PPM1E: variants seen among roughly 807,000 people sequenced by gnomAD.
PPM1E encodes the protein protein phosphatase 1E.
Under a neutral mutation model 65.9 loss-of-function variants are expected in PPM1E, and 20 were observed. The ratio of observed to expected loss-of-function variants is 0.30; its 90% CI spans 0.21 to 0.44. The LOEUF is 0.44. PPM1E is among the 20% of genes least tolerant of loss of function. The pLI is 1.00. For missense variants in PPM1E, 713 were observed against 953.1 expected (o/e 0.75, Z 3.32); for synonymous variants, 352 against 374.9 (o/e 0.94, Z 0.70).
chr17:58,953,833 C>T (rs1298882325), intron 1 of PPM1E, among the ~76,000 whole-genome samples: 5 of 151,738 alleles, frequency 3.3e-5, no homozygotes, highest in Admixed American at 2.0e-4. Flanking sequence ...CCGCAACCTC[C>T]GCCTCCTGGG....
In PPM1E at chr17:58,981,295, C is replaced by A; in HGVS notation, c.*264C>A. 2.6e-6 allele frequency: 1 copy of A among 378,738 alleles called. No individual in the cohort carries two copies. Among genetic ancestry groups the A allele is most frequent in the Non-Finnish European group, 4.7e-6 (1 of 212,764 alleles). 23.5% of individuals were successfully genotyped at this position (378,738 alleles called of 1,614,324 possible). On this transcript the variant is annotated 3_prime_UTR_variant, in exon 7 of 7. Coordinates refer to ENST00000308249, the MANE Select transcript of PPM1E (RefSeq NM_014906.5). ...AATACACAACCCCCTTCCCACCATC[C>A]TTCATGTCACTAGATACACAACCCC...
chr17:58,825,261 CACAA>C (rs753864230), intron 1 of PPM1E, among the ~76,000 whole-genome samples: 118 of 144,010 alleles, frequency 8.2e-4, no homozygotes, highest in African/African-American at 1.6e-3. Context: ...CACACACACA[CACAA>C]AAATAAATAG....
chr17:58,863,711 C>T (rs1026407291), intron 1 of PPM1E, among the ~76,000 whole-genome samples: 1 of 152,126 alleles, frequency 6.6e-6, no homozygotes, highest in African/African-American at 2.4e-5. Flanking sequence ...ATGGAAGTGG[C>T]TCTTAGTGTG....
chr17:58,946,984 T>G (rs576490587), intron 1 of PPM1E, among the ~76,000 whole-genome samples: 8 of 152,040 alleles, frequency 5.3e-5, no homozygotes, highest in Non-Finnish European at 1.0e-4. Context: ...CTGTGATGCA[T>G]TTGGCATTAA....
chr17:58,772,891 A>G (rs1334578236), intron 1 of PPM1E, among the ~76,000 whole-genome samples: 1 of 152,124 alleles, frequency 6.6e-6, no homozygotes, highest in African/African-American at 2.4e-5. Flanking sequence ...GAAATAGAAG[A>G]GTCTTAAAAT....
intron 1 of PPM1E, among the ~76,000 whole-genome samples, chr17:58,895,926 A>G (rs1355764944): frequency 6.7e-6 from 1 of 150,300 alleles, no homozygotes; most frequent in East Asian, 2.0e-4. Flanking sequence ...TAACACGGTT[A>G]AACCCCGTCT....
chr17:58,933,076 G>A (rs572222746), intron 1 of PPM1E, among the ~76,000 whole-genome samples: 3 of 152,166 alleles, frequency 2.0e-5, no homozygotes, highest in South Asian at 2.1e-4. Flanking sequence ...TATAGCCTAC[G>A]TGTGTAGTAG....
At chr17:58,858,278 G>A (rs528880093) in intron 1 of PPM1E, among the ~76,000 whole-genome samples, 4 of 152,038 alleles carry the variant, frequency 2.6e-5, no homozygotes, top group Non-Finnish European at 5.9e-5. Flanking sequence ...GGTAATTAGT[G>A]TATCATTTCA....
rs1163979989 is a variant in PPM1E at position 58,805,949 on chromosome 17, T to TAA, written c.464+49498_464+49499dup. 5.1e-3 allele frequency among the ~76,000 whole-genome samples: 108 copies of TAA among 21,232 alleles called. 7 individuals carry two copies. Among genetic ancestry groups the TAA allele is most frequent in the Non-Finnish European group, 6.0e-3 (66 of 11,074 alleles). The allele number at this position is 21,232 out of a possible 152,430, so 13.9% of individuals were successfully genotyped here. On this transcript the variant is annotated intron_variant, in intron 1 of 6. Transcript: ENST00000308249. ...TAATAGGAGGTTCAGGCTGTTCTGC[T>TAA]AAAAAAAAAAACAAAAAAAAAAAAC...
At chr17:58,774,113 G>A (rs1265284133) in intron 1 of PPM1E, among the ~76,000 whole-genome samples, 1 of 151,666 alleles carries the variant, frequency 6.6e-6, no homozygotes, top group Non-Finnish European at 1.5e-5. Flanking sequence ...AGTGAGCTGA[G>A]ATCGCGCCAT....
At chr17:58,761,665 A>G (rs1182586187) in intron 1 of PPM1E, among the ~76,000 whole-genome samples, 1 of 152,194 alleles carries the variant, frequency 6.6e-6, no homozygotes, top group Middle Eastern at 3.4e-3. Flanking sequence ...CCCGTTTTTT[A>G]GTTCTCTGTT....
chr17:58,861,855 G>A (rs976910604), intron 1 of PPM1E, among the ~76,000 whole-genome samples: 1 of 152,140 alleles, frequency 6.6e-6, no homozygotes, highest in African/African-American at 2.4e-5. Flanking sequence ...CTTGAACTCA[G>A]GAGGTTGAGG....
At chr17:58,930,021 C>G (rs1447692796) in intron 1 of PPM1E, among the ~76,000 whole-genome samples, 1 of 152,008 alleles carries the variant, frequency 6.6e-6, no homozygotes, top group African/African-American at 2.4e-5. Flanking sequence ...TGAAAATTTA[C>G]TTGTTTTGTT....
intron 3 of PPM1E, chr17:58,966,346 G>C: frequency 3.1e-6 from 1 of 325,338 alleles, no homozygotes; most frequent in Non-Finnish European, 5.7e-6. Context: ...TAGTGAGACT[G>C]TCTCTTAAAA....
At chr17:58,880,434 G>A (rs2051181528) in intron 1 of PPM1E, among the ~76,000 whole-genome samples, 1 of 152,124 alleles carries the variant, frequency 6.6e-6, no homozygotes, top group African/African-American at 2.4e-5. Context: ...CACCAAAGAT[G>A]TATAAACATA....
chr17:58,760,734 G>C (rs1314936331), intron 1 of PPM1E, among the ~76,000 whole-genome samples: 7 of 152,180 alleles, frequency 4.6e-5, no homozygotes, highest in Admixed American at 4.6e-4. Flanking sequence ...AATTTCAAAT[G>C]AAGATGCTAT....
At chr17:58,895,436 C>T (rs903647455) in intron 1 of PPM1E, among the ~76,000 whole-genome samples, 6 of 152,110 alleles carry the variant, frequency 3.9e-5, no homozygotes, top group Admixed American at 2.6e-4. Context: ...AGGGCTCTTG[C>T]ACTAAAGTTA....
chr17:58,974,193 T>C (rs1298542008), intron 6 of PPM1E, among the ~76,000 whole-genome samples: 1 of 152,186 alleles, frequency 6.6e-6, no homozygotes, highest in Non-Finnish European at 1.5e-5. Flanking sequence ...TCAGTATTTT[T>C]CAGAGAATGG....
At chr17:58,898,363 G>T (rs1243505829) in intron 1 of PPM1E, among the ~76,000 whole-genome samples, 1 of 152,004 alleles carries the variant, frequency 6.6e-6, no homozygotes, top group Non-Finnish European at 1.5e-5. Flanking sequence ...TGAACAGACA[G>T]TTTTCAAAAG....
Sources: allele counts gnomAD v4.1 joint callset (sites outside exome capture counted in the v4.1 genomes callset), GRCh38; gene constraint gnomAD v4.1.1; transcripts MANE v1.5; gene names NCBI Gene and HGNC (gene_info 2026-07-23, HGNC 2026-07-21).